ANKRD26: variants seen among roughly 807,000 people sequenced by gnomAD.
The protein encoded by ANKRD26 is ankyrin repeat domain 26, also known as ankyrin repeat domain-containing protein 26.
A neutral mutation model predicts 208.7 loss-of-function variants in ANKRD26; 141 were observed. The observed-to-expected ratio is 0.68, with a 90% CI of 0.59 to 0.78. The LOEUF (loss-of-function observed/expected upper bound fraction) is 0.78. Among genes scored for constraint, ANKRD26 ranks in the 30% least tolerant of loss-of-function variants. The pLI is 0.00. For missense variants in ANKRD26, 1,889 were observed against 1,938.7 expected, an observed-to-expected ratio of 0.97 and a Z score of 0.48; for synonymous variants, 636 against 660.4, an observed-to-expected ratio of 0.96 and a Z score of 0.57.
At chr10:26,963,902 G>GGTTTTTTTTTTTT in the ANKRD26 span, among the ~76,000 whole-genome samples, 16 of 66,972 alleles carry the variant, frequency 2.4e-4, no homozygotes, top group African/African-American at 9.3e-4. Flanking sequence ...ATGGTTGGTT[G>GGTTTTTTTTTTTT]GTTTTTTTTT....
intron 23 of ANKRD26, among the ~76,000 whole-genome samples, chr10:27,036,085 G>A (rs1589254269): frequency 6.6e-6 from 1 of 152,034 alleles, no homozygotes; most frequent in Non-Finnish European, 1.5e-5. Flanking sequence ...TTAAAAAATT[G>A]GGTTTATACT....
At chr10:26,986,618 A>G (rs1399874801) in intron 3 of ANKRD26, among the ~76,000 whole-genome samples, 2 of 152,262 alleles carry the variant, frequency 1.3e-5, no homozygotes, top group Admixed American at 1.3e-4. Flanking sequence ...AAGTGGGCGA[A>G]GGATATGAAC....
At chr10:27,047,722 C>CTAATAA (rs1554782118) in intron 17 of ANKRD26, among the ~76,000 whole-genome samples, 1 of 145,158 alleles carries the variant, frequency 6.9e-6, no homozygotes, top group African/African-American at 2.6e-5. Flanking sequence ...ACTACTACTA[C>CTAATAA]TAATAATAAT....
chr10:26,986,443 C>T (rs2052388923), intron 3 of ANKRD26, among the ~76,000 whole-genome samples: 1 of 152,006 alleles, frequency 6.6e-6, no homozygotes, highest in African/African-American at 2.4e-5. Context: ...TCTAATTAAA[C>T]TAAAGAGCTT....
intron 6 of ANKRD26, among the ~76,000 whole-genome samples, chr10:27,082,006 G>C (rs1278475393): frequency 6.8e-6 from 1 of 146,550 alleles, no homozygotes; most frequent in Non-Finnish European, 1.5e-5. Flanking sequence ...AAAGTGCTGG[G>C]ATTACAGTTG....
chr10:26,993,246 G>T (rs981857868), intron 5 of ANKRD26, among the ~76,000 whole-genome samples: 3 of 152,116 alleles, frequency 2.0e-5, no homozygotes, highest in African/African-American at 7.2e-5. Flanking sequence ...CCATCCTGGG[G>T]GTAATCAAGG....
intron 29 of ANKRD26, among the ~76,000 whole-genome samples, chr10:27,019,406 C>G (rs1368029884): frequency 6.6e-6 from 1 of 152,108 alleles, no homozygotes; most frequent in Admixed American, 6.5e-5. Flanking sequence ...ACACTATTTG[C>G]AAACTATTCG....
chr10:27,012,110 T>A (rs932170819), intron 32 of ANKRD26, among the ~76,000 whole-genome samples: 4 of 152,214 alleles, frequency 2.6e-5, no homozygotes, highest in Non-Finnish European at 5.9e-5. Flanking sequence ...CCATATGTGG[T>A]TAAGTGTTTG....
chr10:27,097,053 G>A (rs1266626010), intron 1 of ANKRD26, among the ~76,000 whole-genome samples: 1 of 151,920 alleles, frequency 6.6e-6, no homozygotes, highest in Non-Finnish European at 1.5e-5. Context: ...ATGGTGGCAC[G>A]TGCCTGGAAT....
intron 9 of ANKRD26, among the ~76,000 whole-genome samples, chr10:27,072,839 A>G (rs1400474985): frequency 6.6e-6 from 1 of 151,940 alleles, no homozygotes; most frequent in East Asian, 1.9e-4. Context: ...TTGAAAAAAC[A>G]CACAAAGGCT....
At chr10:27,040,988 G>A (rs1015677041) in intron 20 of ANKRD26, among the ~76,000 whole-genome samples, 5 of 150,572 alleles carry the variant, frequency 3.3e-5, no homozygotes, top group East Asian at 3.9e-4. Flanking sequence ...CTGAGATTGC[G>A]CCACTGTACT....
chr10:27,074,022 A>AC (rs2055600518), intron 9 of ANKRD26, among the ~76,000 whole-genome samples: 1 of 152,178 alleles, frequency 6.6e-6, no homozygotes, highest in Non-Finnish European at 1.5e-5. Flanking sequence ...ATAAAAAAAA[A>AC]CCCAGTCAAA....
intron 12 of ANKRD26, among the ~76,000 whole-genome samples, chr10:27,063,393 T>C (rs1225289090): frequency 6.6e-6 from 1 of 152,194 alleles, no homozygotes; most frequent in Non-Finnish European, 1.5e-5. Context: ...TGATCTCAGC[T>C]CACTGCCACC....
At chr10:27,012,804 G>A (rs1286277730) in intron 32 of ANKRD26, 78 bp downstream of exon 32, 4 of 1,391,166 alleles carry the variant, frequency 2.9e-6, no homozygotes, top group Middle Eastern at 1.9e-4. Flanking sequence ...AGAGTAAAAC[G>A]CTGTCTCAAA....
chr10:27,021,149 C>T (rs2053474463), intron 29 of ANKRD26, among the ~76,000 whole-genome samples: 1 of 152,138 alleles, frequency 6.6e-6, no homozygotes, highest in Non-Finnish European at 1.5e-5. Flanking sequence ...GTTGTTTTCA[C>T]CTTTATGTAT....
intron 17 of ANKRD26, among the ~76,000 whole-genome samples, chr10:27,047,016 GA>G: frequency 6.6e-6 from 1 of 152,212 alleles, no homozygotes; most frequent in African/African-American, 2.4e-5. Flanking sequence ...AGAGACAGGT[GA>G]ATGCTACACT....
At position 27,060,633 on chromosome 10, in the gene ANKRD26, C is replaced by A. The variant is rs11015495; in HGVS notation, c.1463-93G>T. The A allele has an allele frequency of 4.1e-6, 4 of 967,456 alleles. No homozygotes were observed. The East Asian group carries it at 7.8e-5, about 19-fold the overall frequency. The allele number at this position is 967,456 out of a possible 1,614,324, so 59.9% of individuals were successfully genotyped here. A position where few individuals can be genotyped will look rare whatever the true frequency, so the allele number is the denominator to read the frequency against. Reference sequence around the variant, plus strand: ...AGTGTTAGTATGACCAGAATCATCACGCTTGGTTTGAAAATGATTATGTTA... The same window carrying A: ...AGTGTTAGTATGACCAGAATCATCAAGCTTGGTTTGAAAATGATTATGTTA... On this transcript the variant is annotated intron_variant, in intron 13 of 33. Transcript: ENST00000376087.
At chr10:26,963,902 G>GTTTTTTTTTTTTTTTTTTTTTTT in the ANKRD26 span, among the ~76,000 whole-genome samples, 4 of 66,974 alleles carry the variant, frequency 6.0e-5, 2 homozygotes, top group Non-Finnish European at 5.9e-5. Flanking sequence ...ATGGTTGGTT[G>GTTTTTTTTTTTTTTTTTTTTTTT]GTTTTTTTTT....
At chr10:27,006,108 G>A (rs1397532432) in intron 33 of ANKRD26, among the ~76,000 whole-genome samples, 2 of 152,122 alleles carry the variant, frequency 1.3e-5, no homozygotes, top group Non-Finnish European at 2.9e-5. Flanking sequence ...TATAAGACAG[G>A]GCACTACTGG....
Sources: gnomAD v4.1 joint callset for allele counts (sites outside exome capture counted in the v4.1 genomes callset) on GRCh38, gnomAD v4.1.1 for gene constraint, MANE v1.5 for transcripts, NCBI Gene and HGNC (gene_info 2026-07-23, HGNC 2026-07-21) for gene names.